Variants in EFCAB7 observed in about 807,000 individuals in gnomAD.
EFCAB7 encodes the protein EF-hand calcium binding domain 7.
Under a neutral mutation model 77.1 loss-of-function variants are expected in EFCAB7, and 66 were observed. The ratio of observed to expected loss-of-function variants is 0.86; its 90% CI spans 0.70 to 1.05. EFCAB7 has a LOEUF of 1.05. Among genes scored for constraint, EFCAB7 ranks in the 50% least tolerant of loss-of-function variants. EFCAB7 has a pLI of 0.00. For synonymous variants in EFCAB7, 225 were observed against 243.3 expected (o/e 0.92, Z 0.70); for missense variants, 638 against 730.5 (o/e 0.87, Z 1.46).
chr1:63,571,884 T>TG, intron 13 of EFCAB7, among the ~76,000 whole-genome samples: 1 of 152,100 alleles, frequency 6.6e-6, no homozygotes, highest in Admixed American at 6.5e-5. Flanking sequence ...AGAGGGACAA[T>TG]GCCTCTGAGT....
At chr1:63,557,041 A>C (rs1238565648) in intron 9 of EFCAB7, 73 bp from the exon 10 acceptor site, 1 of 1,321,946 alleles carries the variant, frequency 7.6e-7, no homozygotes, top group Non-Finnish European at 1.0e-6. Flanking sequence ...CCGTCTCAAA[A>C]AAAAAAAAAA....
chr1:63,572,486 A>T lies in EFCAB7; in HGVS notation c.1860A>T (p.Ile620=). 1 of 1,535,072 alleles carries T rather than the reference A, an allele frequency of 6.5e-7. No homozygotes were observed. Among genetic ancestry groups the T allele is most frequent in the African/African-American group, 1.4e-5 (1 of 71,620 alleles). The change falls in exon 14 of 14, where the codon ATA becomes ATT. Residue 620 remains isoleucine, a synonymous_variant. Transcript: ENST00000371088. Reference sequence around the variant, plus strand: ...CTTTGAATGAACGACAAGAATGGATATATTATTGTATATATTCTCTTATTT... The same window carrying T: ...CTTTGAATGAACGACAAGAATGGATTTATTATTGTATATATTCTCTTATTT... ...VMPLNERQEW[I]YYCIYSLIS
intron 12 of EFCAB7, chr1:63,568,933 AATT>A (rs971894313): frequency 1.3e-5 from 2 of 152,592 alleles, no homozygotes; most frequent in Non-Finnish European, 2.9e-5. Flanking sequence ...AGATCCTATA[AATT>A]ATTATTATTT....
At chr1:63,559,490 G>GTTTA (rs1647069776) in intron 10 of EFCAB7, among the ~76,000 whole-genome samples, 1 of 151,886 alleles carries the variant, frequency 6.6e-6, no homozygotes, top group Non-Finnish European at 1.5e-5. Flanking sequence ...TTGTTTGTTT[G>GTTTA]AGTCACTGTT....
At chr1:63,552,638 G>A (rs1326537573) in intron 8 of EFCAB7, among the ~76,000 whole-genome samples, 1 of 152,144 alleles carries the variant, frequency 6.6e-6, no homozygotes, top group Non-Finnish European at 1.5e-5. Flanking sequence ...CCAAATATGT[G>A]AAGCCAATAC....
At chr1:63,570,984 G>T in intron 12 of EFCAB7, 37 bp from the exon 13 acceptor site, 2 of 1,437,814 alleles carry the variant, frequency 1.4e-6, no homozygotes, top group South Asian at 1.2e-5. Flanking sequence ...AATTATTAAA[G>T]AAAGGAATAG....
At chr1:63,585,150 GTT>G in the EFCAB7 span, among the ~76,000 whole-genome samples, 1 of 139,660 alleles carries the variant, frequency 7.2e-6, no homozygotes. Flanking sequence ...TTTGGAAGAG[GTT>G]TTTTTTTTTT....
At chr1:63,584,246 C>G in the EFCAB7 span, among the ~76,000 whole-genome samples, 5 of 152,102 alleles carry the variant, frequency 3.3e-5, no homozygotes, top group African/African-American at 4.8e-5. Flanking sequence ...AATGAGAAAG[C>G]AAAAAAGTCA....
chr1:63,533,365 G>A (rs2100874495), intron 4 of EFCAB7, 89 bp from the exon 5 acceptor site: 1 of 936,706 alleles, frequency 1.1e-6, no homozygotes, highest in South Asian at 1.5e-5. Flanking sequence ...CTATCAGTCT[G>A]TTCCTTGCCT....
At chr1:63,544,787 A>AT (rs562836177) in intron 6 of EFCAB7, among the ~76,000 whole-genome samples, 59 of 152,058 alleles carry the variant, frequency 3.9e-4, no homozygotes, top group South Asian at 8.3e-4. Flanking sequence ...ATTTAAAGTC[A>AT]TTTTTTCTTT....
chr1:63,578,562 C>G, the EFCAB7 span, among the ~76,000 whole-genome samples: 1 of 152,082 alleles, frequency 6.6e-6, no homozygotes, highest in African/African-American at 2.4e-5. Context: ...CTGCCTCAGC[C>G]TCCCGAGTAG....
chr1:63,556,986 C>T (rs1472543554), intron 9 of EFCAB7, 128 bp from the exon 10 acceptor site: 13 of 640,692 alleles, frequency 2.0e-5, no homozygotes, highest in Non-Finnish European at 2.8e-5. Flanking sequence ...TGCAGTGAGC[C>T]GAGATCACGC....
At chr1:63,571,386 T>G (rs113900087) in intron 13 of EFCAB7, among the ~76,000 whole-genome samples, 14,698 of 151,926 alleles carry the variant, frequency 0.097, 1,025 homozygotes, top group African/African-American at 0.18. Flanking sequence ...TAAGATAATA[T>G]CACTAGGCCG....
At chr1:63,575,191 A>G (rs989255422), downstream of EFCAB7, among the ~76,000 whole-genome samples, 1 of 152,104 alleles carries the variant, frequency 6.6e-6, no homozygotes, top group African/African-American at 2.4e-5. Context: ...ATATTTTAAA[A>G]CAAATTTAAA....
At chr1:63,549,873 T>C (rs965031667) in intron 7 of EFCAB7, 1 of 157,146 alleles carries the variant, frequency 6.4e-6, no homozygotes, top group African/African-American at 2.4e-5. Context: ...TTATAATTTA[T>C]ATTTTGGGTT....
At chr1:63,573,422 C>T (rs1193099793), downstream of EFCAB7, among the ~76,000 whole-genome samples, 1 of 152,068 alleles carries the variant, frequency 6.6e-6, no homozygotes, top group Non-Finnish European at 1.5e-5. Context: ...TATTAAAGGA[C>T]TAAGAATTGG....
Position 63,557,236 on chromosome 1 carries a change from C to G in EFCAB7, c.1337C>G (p.Ala446Gly). The stretch of plus-strand genomic sequence containing the variant: ...GAGAAATGTGATGAAGATGCTTGGG[C>G]TGTCTGCAGAGGTAAGCACTTTTCT... ...SGEKCDEDAWAVCRENFDTKR... is the reference protein window; with the variant it reads ...SGEKCDEDAWGVCRENFDTKR... The change falls in exon 10 of 14, where the codon GCT (alanine) becomes GGT (glycine). Residue 446 changes from alanine (A) to glycine (G), a missense_variant. Coordinates refer to ENST00000371088, the MANE Select transcript of EFCAB7 (RefSeq NM_032437.4). 1 of 1,606,650 alleles carries G rather than the reference C, an allele frequency of 6.2e-7. No homozygotes were observed. The highest frequency in any genetic ancestry group is 8.5e-7 in the Non-Finnish European group (1 of 1,178,278).
In EFCAB7 at chr1:63,533,556, A is replaced by G. The variant is rs376080647; in HGVS notation, c.589A>G (p.Ile197Val). ...GATGCGTCACCAGTTTGGAAACCAC[A>G]TCGAAGGGTCCCCTGAAAGGGACCC... ...KLMRHQFGNH[I>V]EGSPERDPSP... The change falls in exon 5 of 14, where the codon ATC (isoleucine) becomes GTC (valine). Residue 197 changes from isoleucine (I) to valine (V), a missense_variant. Physicochemically the swap from Ile to Val is conservative, Grantham distance 29. Transcript: ENST00000371088. 6.8e-6 allele frequency: 11 copies of G among 1,613,230 alleles called. No individual in the cohort carries two copies. The African/African-American group carries it at 1.3e-4, about 20-fold the overall frequency.
Position 63,561,732 on chromosome 1 carries a change from G to T in EFCAB7, c.1372G>T (p.Glu458Ter). 1 of 1,601,326 alleles carries T rather than the reference G, an allele frequency of 6.2e-7. No homozygotes were observed. Among genetic ancestry groups the T allele is most frequent in the South Asian group, 1.1e-5 (1 of 88,494 alleles). The change falls in exon 11 of 14, where the codon GAA becomes TAA. Residue 458 changes from glutamate (E) to a stop codon, truncating the protein, a stop_gained. Coordinates refer to ENST00000371088, the MANE Select transcript of EFCAB7 (RefSeq NM_032437.4). LOFTEE classifies it high-confidence loss of function. ...CRENFDTKRNELTRQGFMDLN... is the reference protein window; with the variant it reads ...CRENFDTKRN Reference sequence around the variant, plus strand: ...AGAGAATTTTGATACAAAGAGGAATGAACTAACAAGACAAGGATTTATGGA... The same window carrying T: ...AGAGAATTTTGATACAAAGAGGAATTAACTAACAAGACAAGGATTTATGGA...
Sources: allele counts gnomAD v4.1 joint callset (sites outside exome capture counted in the v4.1 genomes callset), GRCh38; gene constraint gnomAD v4.1.1; transcripts MANE v1.5; gene names NCBI Gene and HGNC (gene_info 2026-07-23, HGNC 2026-07-21).